NBEA: variants seen among roughly 807,000 people sequenced by gnomAD.
The protein encoded by NBEA is lysosomal-trafficking regulator 2.
NBEA carries 44 observed loss-of-function variants against 343.4 expected under a neutral mutation model. That is an observed-to-expected ratio of 0.13 (90% confidence interval 0.10 to 0.16). The LOEUF is 0.16. Among genes scored for constraint, NBEA ranks in the 10% least tolerant of loss-of-function variants. The pLI is 1.00. For missense variants in NBEA, 2,555 were observed against 3,631.3 expected, an observed-to-expected ratio of 0.70 and a Z score of 7.62; for synonymous variants, 1,175 against 1,238.7, an observed-to-expected ratio of 0.95 and a Z score of 1.08.
At chr13:35,157,865 G>T (rs483801) in intron 21 of NBEA, among the ~76,000 whole-genome samples, 11,153 of 152,128 alleles carry the variant, frequency 0.073, 903 homozygotes, top group African/African-American at 0.19. Flanking sequence ...AGAAGCATGG[G>T]TGTCAGAAGT....
At chr13:34,978,608 C>A (rs991710882) in intron 1 of NBEA, among the ~76,000 whole-genome samples, 1 of 152,116 alleles carries the variant, frequency 6.6e-6, no homozygotes, top group African/African-American at 2.4e-5. Context: ...TACTCCTTTC[C>A]AGTTAATCCC....
chr13:35,441,626 A>G (rs2045741936), intron 39 of NBEA, among the ~76,000 whole-genome samples: 1 of 152,054 alleles, frequency 6.6e-6, no homozygotes, highest in African/African-American at 2.4e-5. Context: ...TCAGTGATCA[A>G]TTAGGGAATT....
In NBEA at chr13:35,006,285, C is replaced by A. The variant is rs113627687; in HGVS notation, c.295-34648C>A. ...TTAACCTTAAAAAATTATTATTTTG[C>A]TATTCTTTTAGTGGTAACCCTAGAT... On this transcript the variant is annotated intron_variant, in intron 1 of 58. Coordinates refer to ENST00000379939, the MANE Select transcript of NBEA (RefSeq NM_001385012.1). Among the ~76,000 whole-genome samples the A allele has an allele frequency of 9.7e-3, 1,464 of 151,520 alleles. 8 individuals carry two copies. Among genetic ancestry groups the A allele is most frequent in the Non-Finnish European group, 0.013 (885 of 67,848 alleles).
chr13:35,303,959 C>T (rs1163549268), intron 35 of NBEA, among the ~76,000 whole-genome samples: 1 of 152,090 alleles, frequency 6.6e-6, no homozygotes, highest in Non-Finnish European at 1.5e-5. Flanking sequence ...CCTCATCATA[C>T]CTGACTTTCC....
intron 30 of NBEA, 98 bp downstream of exon 30, chr13:35,184,169 ATACCTCAGGTT>A: frequency 1.2e-6 from 1 of 825,844 alleles, no homozygotes; most frequent in Non-Finnish European, 1.8e-6. Context: ...AAATAAGTAT[ATACCTCAGGTT>A]TCATGGAGAT....
chr13:35,309,962 G>A (rs908206433), intron 36 of NBEA, among the ~76,000 whole-genome samples: 6 of 151,978 alleles, frequency 3.9e-5, no homozygotes, highest in Non-Finnish European at 5.9e-5. Flanking sequence ...CAGTCCATGT[G>A]AAACAGTTTT....
At chr13:35,308,472 A>ATATATG (rs1566597095) in intron 35 of NBEA, among the ~76,000 whole-genome samples, 32 of 98,440 alleles carry the variant, frequency 3.3e-4, no homozygotes, top group South Asian at 6.5e-4. Flanking sequence ...ATATATATAT[A>ATATATG]TGTATATATA....
At chr13:34,945,953 T>G (rs2059173472) in intron 1 of NBEA, among the ~76,000 whole-genome samples, 1 of 152,148 alleles carries the variant, frequency 6.6e-6, no homozygotes, top group Admixed American at 6.5e-5. Flanking sequence ...TAGAGACCTA[T>G]TTTTACTACT....
chr13:35,514,524 A>T (rs929305649), intron 41 of NBEA, among the ~76,000 whole-genome samples: 4 of 151,940 alleles, frequency 2.6e-5, no homozygotes, highest in African/African-American at 9.7e-5. Flanking sequence ...TGGGTCTTGA[A>T]CTCTTGATGC....
At chr13:35,618,657 A>G (rs1010160868) in intron 48 of NBEA, among the ~76,000 whole-genome samples, 4 of 152,206 alleles carry the variant, frequency 2.6e-5, no homozygotes, top group African/African-American at 9.6e-5. Context: ...TAATTTATCC[A>G]CATGAAGCTA....
intron 39 of NBEA, among the ~76,000 whole-genome samples, chr13:35,445,798 A>ATATG (rs1555267150): frequency 2.4e-5 from 2 of 83,958 alleles, no homozygotes; most frequent in Admixed American, 1.0e-4. Context: ...ATATATATAT[A>ATATG]TATATATATA....
intron 38 of NBEA, among the ~76,000 whole-genome samples, chr13:35,429,500 T>C (rs2044945199): frequency 6.6e-6 from 1 of 152,190 alleles, no homozygotes; most frequent in Admixed American, 6.5e-5. Flanking sequence ...ATCTGGGCTG[T>C]TGGCCTCTTT....
At chr13:35,058,082 G>T (rs946877855) in intron 7 of NBEA, among the ~76,000 whole-genome samples, 2 of 152,080 alleles carry the variant, frequency 1.3e-5, no homozygotes, top group African/African-American at 4.8e-5. Flanking sequence ...GTAGAGGCTG[G>T]AAAGATCAAG....
chr13:35,362,348 G>A (rs1180337515), intron 38 of NBEA, among the ~76,000 whole-genome samples: 7 of 151,838 alleles, frequency 4.6e-5, no homozygotes, highest in Admixed American at 2.0e-4. Context: ...ATATATGTGT[G>A]TGTATGTGTA....
chr13:34,961,373 T>C (rs1234456372), intron 1 of NBEA, among the ~76,000 whole-genome samples: 1 of 152,084 alleles, frequency 6.6e-6, no homozygotes, highest in African/African-American at 2.4e-5. Context: ...TATTAAATTA[T>C]ATCATTGTCC....
intron 40 of NBEA, among the ~76,000 whole-genome samples, chr13:35,460,133 T>TA (rs1289472928): frequency 6.6e-6 from 1 of 152,226 alleles, no homozygotes; most frequent in Non-Finnish European, 1.5e-5. Flanking sequence ...AAATATCTCT[T>TA]AAACATTCTG....
At chr13:35,342,801 A>G (rs1422704149) in intron 36 of NBEA, among the ~76,000 whole-genome samples, 2 of 152,038 alleles carry the variant, frequency 1.3e-5, no homozygotes, top group African/African-American at 2.4e-5. Context: ...AGTAAAAAAG[A>G]TGGAATTAAA....
chr13:35,033,968 T>C (rs2062341757), intron 1 of NBEA, among the ~76,000 whole-genome samples: 1 of 151,850 alleles, frequency 6.6e-6, no homozygotes, highest in Admixed American at 6.6e-5. Flanking sequence ...ATTTGACTTC[T>C]TCCTTTCCCA....
chr13:35,626,497 C>T (rs1264265983), intron 48 of NBEA, among the ~76,000 whole-genome samples: 1 of 152,178 alleles, frequency 6.6e-6, no homozygotes, highest in Non-Finnish European at 1.5e-5. Context: ...ATGCGCTTAG[C>T]TGATCATGTT....
Sources: allele counts gnomAD v4.1 joint callset (sites outside exome capture counted in the v4.1 genomes callset), GRCh38; gene constraint gnomAD v4.1.1; transcripts MANE v1.5; gene names NCBI Gene and HGNC (gene_info 2026-07-23, HGNC 2026-07-21).